TMEM132B: variants seen among roughly 807,000 people sequenced by gnomAD.
TMEM132B encodes transmembrane protein 132B.
A neutral mutation model predicts 90.8 loss-of-function variants in TMEM132B; 18 were observed. The observed-to-expected ratio is 0.20, with a 90% CI of 0.14 to 0.29. TMEM132B has a LOEUF of 0.29. TMEM132B is among the 10% of genes least tolerant of loss of function. TMEM132B has a pLI of 1.00. For synonymous variants in TMEM132B, 504 were observed against 523.3 expected (o/e 0.96, Z 0.50); for missense variants, 1,096 against 1,326.8 (o/e 0.83, Z 2.70).
intron 2 of TMEM132B, among the ~76,000 whole-genome samples, chr12:125,389,468 G>C (rs1344486534): frequency 1.3e-5 from 2 of 151,470 alleles, no homozygotes; most frequent in African/African-American, 4.9e-5. Flanking sequence ...TCTAGCCCTA[G>C]AGCCACCACA....
chr12:125,382,607 G>A (rs1878718663), intron 2 of TMEM132B, among the ~76,000 whole-genome samples: 1 of 152,058 alleles, frequency 6.6e-6, no homozygotes, highest in Non-Finnish European at 1.5e-5. Flanking sequence ...AAGAAACAGA[G>A]GCCTTTGAAA....
intron 3 of TMEM132B, among the ~76,000 whole-genome samples, chr12:125,508,780 C>CTTTT (rs756913141): frequency 2.9e-5 from 4 of 135,974 alleles, no homozygotes; most frequent in Non-Finnish European, 4.8e-5. Flanking sequence ...TTCTTTCTTT[C>CTTTT]TTTTTTTTTT....
At chr12:125,522,436 A>G (rs1031166382) in intron 4 of TMEM132B, among the ~76,000 whole-genome samples, 2 of 152,224 alleles carry the variant, frequency 1.3e-5, no homozygotes, top group Non-Finnish European at 2.9e-5. Flanking sequence ...TACAGGGAGC[A>G]GCTGCTAGCC....
chr12:125,484,154 C>T (rs1199707593), intron 3 of TMEM132B, among the ~76,000 whole-genome samples: 3 of 152,228 alleles, frequency 2.0e-5, no homozygotes, highest in South Asian at 2.1e-4. Flanking sequence ...CCTGCCTTGG[C>T]CCCCCGAAGT....
chr12:125,308,134 A>C (rs1247805455), intron 1 of TMEM132B, among the ~76,000 whole-genome samples: 1 of 147,092 alleles, frequency 6.8e-6, no homozygotes, highest in Non-Finnish European at 1.5e-5. Context: ...ACACATAAGT[A>C]TATACATATA....
intron 2 of TMEM132B, among the ~76,000 whole-genome samples, chr12:125,403,965 G>T (rs1483782221): frequency 3.9e-5 from 6 of 152,172 alleles, no homozygotes; most frequent in African/African-American, 9.7e-5. Context: ...CTAAGGGAAA[G>T]AATTTTGCTT....
chr12:125,577,393 T>G (rs866388794), intron 4 of TMEM132B, among the ~76,000 whole-genome samples: 1 of 151,600 alleles, frequency 6.6e-6, no homozygotes, highest in African/African-American at 2.4e-5. Flanking sequence ...TAAAGTTTTG[T>G]CAGCTTTAAA....
intron 1 of TMEM132B, among the ~76,000 whole-genome samples, chr12:125,285,281 G>A (rs558650428): frequency 4.6e-5 from 7 of 152,128 alleles, no homozygotes; most frequent in Non-Finnish European, 7.4e-5. Context: ...AGGGATTTCC[G>A]CAAAAATGAA....
intron 2 of TMEM132B, among the ~76,000 whole-genome samples, chr12:125,354,541 A>G (rs1877705901): frequency 2.0e-5 from 3 of 152,164 alleles, no homozygotes; most frequent in Admixed American, 2.0e-4. Context: ...GGGTATTTGA[A>G]TTTTGAAACC....
At chr12:125,411,766 G>A (rs1202872162) in intron 2 of TMEM132B, among the ~76,000 whole-genome samples, 1 of 152,108 alleles carries the variant, frequency 6.6e-6, no homozygotes, top group East Asian at 1.9e-4. Flanking sequence ...ACGGCAACCC[G>A]GAGGGGCCAC....
At chr12:125,307,325 G>C (rs1026094366) in intron 1 of TMEM132B, among the ~76,000 whole-genome samples, 1 of 152,132 alleles carries the variant, frequency 6.6e-6, no homozygotes, top group Non-Finnish European at 1.5e-5. Flanking sequence ...GGAAGGTTTC[G>C]TGCAGTATCA....
At chr12:125,346,920 A>G (rs980168904) in intron 1 of TMEM132B, among the ~76,000 whole-genome samples, 1 of 152,252 alleles carries the variant, frequency 6.6e-6, no homozygotes, top group Non-Finnish European at 1.5e-5. Flanking sequence ...GTTTAATGTC[A>G]CACACATAGT....
chr12:125,638,566 G>A (rs556078535), intron 5 of TMEM132B, among the ~76,000 whole-genome samples: 4 of 151,876 alleles, frequency 2.6e-5, no homozygotes, highest in African/African-American at 9.7e-5. Context: ...AGCATTGTTT[G>A]TACGTTTGTG....
chr12:125,480,153 G>T (rs1006927463), intron 3 of TMEM132B, among the ~76,000 whole-genome samples: 1 of 152,170 alleles, frequency 6.6e-6, no homozygotes, highest in African/African-American at 2.4e-5. Flanking sequence ...ACAAGAGAAA[G>T]CAGGAAAGAT....
At chr12:125,291,514 TG>T (rs1473479607) in intron 1 of TMEM132B, among the ~76,000 whole-genome samples, 1 of 152,152 alleles carries the variant, frequency 6.6e-6, no homozygotes, top group African/African-American at 2.4e-5. Context: ...AGAATGTGGC[TG>T]GTGTCTAAGA....
intron 3 of TMEM132B, among the ~76,000 whole-genome samples, chr12:125,431,587 G>A (rs886952992): frequency 2.0e-5 from 3 of 152,118 alleles, no homozygotes; most frequent in Non-Finnish European, 2.9e-5. Context: ...TGTGGGCCAC[G>A]GCTGCTTTTC....
chr12:125,428,248 C>T (rs1441126207), intron 3 of TMEM132B, among the ~76,000 whole-genome samples: 1 of 152,128 alleles, frequency 6.6e-6, no homozygotes, highest in Non-Finnish European at 1.5e-5. Context: ...CCTGCCTCAG[C>T]CTCCCAAAGT....
intron 1 of TMEM132B, among the ~76,000 whole-genome samples, chr12:125,235,072 C>T (rs1873904943): frequency 6.6e-6 from 1 of 152,256 alleles, no homozygotes; most frequent in East Asian, 1.9e-4. Context: ...ACTGTGATCC[C>T]CCAGTTCCAG....
chr12:125,254,015 C>T (rs958213596), intron 1 of TMEM132B, among the ~76,000 whole-genome samples: 2 of 152,086 alleles, frequency 1.3e-5, no homozygotes, highest in South Asian at 2.1e-4. Context: ...CTAGACTGGG[C>T]GCGGTGGCTC....
Sources: gnomAD v4.1 joint callset for allele counts (sites outside exome capture counted in the v4.1 genomes callset) on GRCh38, gnomAD v4.1.1 for gene constraint, MANE v1.5 for transcripts, NCBI Gene and HGNC (gene_info 2026-07-23, HGNC 2026-07-21) for gene names.